CACNA1E: variants seen among roughly 807,000 people sequenced by gnomAD.
CACNA1E encodes the protein voltage-dependent R-type calcium channel subunit alpha-1E.
CACNA1E carries 40 observed loss-of-function variants against 259.2 expected under a neutral mutation model. That is an observed-to-expected ratio of 0.15 (90% CI 0.12 to 0.20). The LOEUF (loss-of-function observed/expected upper bound fraction) is 0.20, where lower values mean the gene tolerates loss of function less well. Among genes scored for constraint, CACNA1E ranks in the 10% least tolerant of loss-of-function variants. The pLI is 1.00. For missense variants in CACNA1E, 1,874 were observed against 3,040.1 expected (o/e 0.62, Z 9.02); for synonymous variants, 1,104 against 1,138.5 (o/e 0.97, Z 0.61).
At chr1:181,790,732 A>C (rs1218133807) in intron 44 of CACNA1E, among the ~76,000 whole-genome samples, 176 bp downstream of exon 44, 8 of 152,174 alleles carry the variant, frequency 5.3e-5, no homozygotes, top group Admixed American at 5.2e-4. Flanking sequence ...GTGCTCTGAC[A>C]ATGTTCCCTC....
chr1:181,794,057 A>C (rs978929369), intron 45 of CACNA1E, among the ~76,000 whole-genome samples: 7 of 152,180 alleles, frequency 4.6e-5, no homozygotes, highest in Non-Finnish European at 8.8e-5. Context: ...CCAGCCATGC[A>C]AGAAATATTT....
intron 2 of CACNA1E, among the ~76,000 whole-genome samples, chr1:181,438,148 G>A (rs1660214936): frequency 6.6e-6 from 1 of 152,196 alleles, no homozygotes; most frequent in South Asian, 2.1e-4. Flanking sequence ...CTGTCACCAG[G>A]ACCAGTCTTG....
At chr1:181,498,171 C>T (rs1459214185) in intron 1 of CACNA1E, among the ~76,000 whole-genome samples, 1 of 152,162 alleles carries the variant, frequency 6.6e-6, no homozygotes, top group African/African-American at 2.4e-5. Context: ...GCTTTCATGA[C>T]CTTCTCTTGA....
At chr1:181,660,294 G>A (rs1647519052) in intron 7 of CACNA1E, among the ~76,000 whole-genome samples, 1 of 152,234 alleles carries the variant, frequency 6.6e-6, no homozygotes, top group Non-Finnish European at 1.5e-5. Flanking sequence ...TTTATTGAGT[G>A]TCTGCTATGC....
Position 181,704,764 on chromosome 1 carries a change from G to T in CACNA1E, c.1056-6190G>T, listed in dbSNP as rs116306652. On this transcript the variant is annotated intron_variant, in intron 7 of 47. Transcript: ENST00000367573. Reference sequence around the variant, plus strand: ...TTGGTTGTCATGACAGCAGCGAGGGGCTGTGCATCAGTAAACAAAGCTCCC... The same window carrying T: ...TTGGTTGTCATGACAGCAGCGAGGGTCTGTGCATCAGTAAACAAAGCTCCC... Among the ~76,000 whole-genome samples the T allele has an allele frequency of 7.0e-3, 1,072 of 152,282 alleles. 7 individuals carry two copies. The highest frequency in any genetic ancestry group is 0.011 in the Non-Finnish European group (757 of 68,022).
chr1:181,765,333 G>C (rs910602393), intron 34 of CACNA1E, among the ~76,000 whole-genome samples: 5 of 152,190 alleles, frequency 3.3e-5, no homozygotes, highest in Non-Finnish European at 5.9e-5. Context: ...CTAGAGTGGA[G>C]ACAGTAGAAT....
intron 6 of CACNA1E, among the ~76,000 whole-genome samples, chr1:181,602,272 C>T (rs1653817721): frequency 6.6e-6 from 1 of 152,196 alleles, no homozygotes; most frequent in South Asian, 2.1e-4. Context: ...AGTTGATGCT[C>T]AGGTTAGTAC....
At chr1:181,525,934 A>G (rs1428364708) in intron 3 of CACNA1E, among the ~76,000 whole-genome samples, 2 of 152,164 alleles carry the variant, frequency 1.3e-5, no homozygotes, top group African/African-American at 2.4e-5. Context: ...TCTCAGGTTT[A>G]TAGCCCTAAG....
chr1:181,519,582 T>C (rs1016056989), intron 3 of CACNA1E, among the ~76,000 whole-genome samples: 7 of 152,192 alleles, frequency 4.6e-5, no homozygotes, highest in African/African-American at 1.4e-4. Context: ...CCCTTACTTA[T>C]TATTTTTTTC....
chr1:181,761,650 T>G (rs780554753), intron 32 of CACNA1E, among the ~76,000 whole-genome samples: 9 of 152,250 alleles, frequency 5.9e-5, no homozygotes, highest in Admixed American at 3.3e-4. Flanking sequence ...TTCTGTTGAT[T>G]TAAATCTCTG....
intron 3 of CACNA1E, among the ~76,000 whole-genome samples, chr1:181,517,095 G>A (rs1157560199): frequency 2.6e-5 from 4 of 152,230 alleles, no homozygotes; most frequent in Non-Finnish European, 5.9e-5. Flanking sequence ...GGGGGCTGGA[G>A]CCACGCAACA....
intron 2 of CACNA1E, among the ~76,000 whole-genome samples, chr1:181,470,298 C>A (rs968801050): frequency 1.2e-4 from 19 of 152,116 alleles, no homozygotes; most frequent in Admixed American, 1.2e-3. Context: ...AAGCATTCCT[C>A]CCATCTCAGC....
In CACNA1E at chr1:181,732,846, C is replaced by T. The variant is rs1655639485; in HGVS notation, c.2760C>T (p.Arg920=). Residue 920 remains arginine (R), a synonymous_variant, in exon 20 of 48, where the codon CGC becomes CGT. Coordinates refer to ENST00000367573, the MANE Select transcript of CACNA1E (RefSeq NM_001205293.3). This position sits in a 1 kb window ranked among gnomAD's most constrained non-coding sequence, Gnocchi z 5.5. ...DRARHRQSQR[R]SRHRRVRTEG... Reference sequence around the variant, plus strand: ...CCAGGCACAGGCAGAGCCAACGGCGCAGCCGGCATCGCCGCGTCAGGACAG... The same window carrying T: ...CCAGGCACAGGCAGAGCCAACGGCGTAGCCGGCATCGCCGCGTCAGGACAG... The T allele has an allele frequency of 6.2e-7, 1 of 1,613,648 alleles. No homozygotes were observed. The highest frequency in any genetic ancestry group is 2.2e-5 in the East Asian group (1 of 44,870).
intron 2 of CACNA1E, among the ~76,000 whole-genome samples, chr1:181,424,102 T>C (rs6696547): frequency 0.4 from 61,005 of 151,956 alleles, 12,509 homozygotes; most frequent in African/African-American, 0.46. Flanking sequence ...CCAAAACATA[T>C]GCCAGTGGAA....
Position 181,790,600 on chromosome 1 carries a change from T to G in CACNA1E, c.5898+44T>G, listed in dbSNP as rs373172966. 2.6e-6 allele frequency: 3 copies of G among 1,142,490 alleles called. No homozygotes were observed. The African/African-American group carries it at 4.5e-5, about 17-fold the overall frequency. 70.8% of individuals were successfully genotyped at this position (1,142,490 alleles called of 1,614,324 possible). ...TGACCTCAAAACTACTTCCTTGGTTTCCTGATCCCTCTCACTAATTTTATT... is the reference window on the plus strand; with the variant it reads ...TGACCTCAAAACTACTTCCTTGGTTGCCTGATCCCTCTCACTAATTTTATT... On this transcript the variant is annotated intron_variant, in intron 44 of 47. Transcript: ENST00000367573.
intron 1 of CACNA1E, among the ~76,000 whole-genome samples, chr1:181,503,447 G>A (rs1040079818): frequency 2.6e-5 from 4 of 152,186 alleles, no homozygotes; most frequent in Middle Eastern, 3.2e-3. Flanking sequence ...GTTTGGATGC[G>A]CTTTCCATAT....
chr1:181,585,138 C>T lies in CACNA1E; in HGVS notation c.951+4362C>T, dbSNP rs369482596. Among the ~76,000 whole-genome samples, 12 of 152,180 alleles carry T rather than the reference C, an allele frequency of 7.9e-5. No individual in the cohort carries two copies. In the South Asian group the frequency reaches 2.5e-3, roughly 32 times the overall value. On this transcript the variant is annotated intron_variant, in intron 6 of 47. Transcript: ENST00000367573. ...TAGTATCTGTTCATCTGTTACTTAT[C>T]CATAGAGGGATTGGTAAGTGGATCT...
At chr1:181,433,298 G>C (rs1659841440) in intron 2 of CACNA1E, among the ~76,000 whole-genome samples, 1 of 152,124 alleles carries the variant, frequency 6.6e-6, no homozygotes, top group South Asian at 2.1e-4. Context: ...TCTGCTCTCT[G>C]TCCTGTGCTT....
Position 181,796,713 on chromosome 1 carries a change from G to A in CACNA1E, c.6254G>A (p.Arg2085Gln), listed in dbSNP as rs1661836968. The A allele has an allele frequency of 6.2e-7, 1 of 1,612,122 alleles. No individual in the cohort carries two copies. The highest frequency in any genetic ancestry group is 8.5e-7 in the Non-Finnish European group (1 of 1,178,624). Reference sequence around the variant, plus strand: ...CGCTCAGGGGGCAGGGAGCGGGGACGATCAAAAGAGCGAAAGCATCTTCTC... The same window carrying A: ...CGCTCAGGGGGCAGGGAGCGGGGACAATCAAAAGAGCGAAAGCATCTTCTC... ...THRSGGRERGRSKERKHLLSP... is the reference protein window; with the variant it reads ...THRSGGRERGQSKERKHLLSP... The change falls in exon 47 of 48, where the codon CGA becomes CAA. Residue 2085 changes from arginine (R) to glutamine (Q), a missense_variant. Around this residue, in one of 14 missense-constraint regions of CACNA1E, gnomAD observed 542 missense variants for 587.2 expected, o/e 0.92. Coordinates refer to ENST00000367573, the MANE Select transcript of CACNA1E (RefSeq NM_001205293.3).
Sources: allele counts gnomAD v4.1 joint callset (sites outside exome capture counted in the v4.1 genomes callset), GRCh38; gene constraint gnomAD v4.1.1; regional missense constraint gnomAD v4.1.1; non-coding constraint Gnocchi (gnomAD v3.1); transcripts MANE v1.5; gene names NCBI Gene and HGNC (gene_info 2026-07-23, HGNC 2026-07-21).